Variants in EPHA3 observed in about 807,000 individuals in gnomAD.
EPHA3 encodes the protein ephrin type-A receptor 3.
A neutral mutation model predicts 107.1 loss-of-function variants in EPHA3; 42 were observed. That is an observed-to-expected ratio of 0.39 (90% CI 0.31 to 0.51). The LOEUF (loss-of-function observed/expected upper bound fraction) is 0.51. Ranked by LOEUF, EPHA3 falls within the 20% of genes least tolerant of loss-of-function variation. EPHA3 has a pLI of 0.78. For missense variants in EPHA3, 1,183 were observed against 1,211.2 expected (o/e 0.98, Z 0.35); for synonymous variants, 461 against 424.8 (o/e 1.09, Z -1.05).
intron 3 of EPHA3, among the ~76,000 whole-genome samples, chr3:89,268,056 C>G (rs996885833): frequency 1.3e-5 from 2 of 152,018 alleles, no homozygotes; most frequent in African/African-American, 4.8e-5. Context: ...CGTGCAGTTC[C>G]TAATAGCTAG....
Position 89,479,498 on chromosome 3 carries a change from T to G in EPHA3, c.2948T>G (p.Val983Gly), listed in dbSNP as rs1453994370. The G allele has an allele frequency of 6.2e-7, 1 of 1,613,428 alleles. No homozygotes were observed. The highest frequency in any genetic ancestry group is 1.7e-5 in the Admixed American group (1 of 60,010). The change falls in exon 17 of 17, where the codon GTG becomes GGG. Residue 983 changes from valine (V) to glycine (G), a missense_variant. Physicochemically the swap from Val to Gly is moderately radical, Grantham distance 109. Coordinates refer to ENST00000336596, the MANE Select transcript of EPHA3 (RefSeq NM_005233.6). ...ETQSKNGPVP[V>G] is the part of the protein sequence containing the mutation. The stretch of plus-strand genomic sequence containing the variant: ...CAATCAAAGAATGGCCCAGTTCCCG[T>G]GTAAAGCACGGGACGGAAGTGCTTC...
chr3:89,286,189 C>T (rs1706079173), intron 3 of EPHA3, among the ~76,000 whole-genome samples: 1 of 149,740 alleles, frequency 6.7e-6, no homozygotes, highest in Non-Finnish European at 1.5e-5. Context: ...CTATGGGACC[C>T]TTGGGCTGGT....
At chr3:89,423,799 TG>T (rs1293580248) in intron 11 of EPHA3, among the ~76,000 whole-genome samples, 1 of 151,458 alleles carries the variant, frequency 6.6e-6, no homozygotes, top group East Asian at 1.9e-4. Flanking sequence ...AGTGTGGTAT[TG>T]TGTATTTTTC....
At chr3:89,352,374 A>T (rs1028973683) in intron 5 of EPHA3, among the ~76,000 whole-genome samples, 1 of 151,282 alleles carries the variant, frequency 6.6e-6, no homozygotes, top group Non-Finnish European at 1.5e-5. Context: ...AAATGTTGTC[A>T]CTAATATAAT....
intron 5 of EPHA3, among the ~76,000 whole-genome samples, chr3:89,378,267 AT>A (rs1463716262): frequency 3.3e-5 from 5 of 152,252 alleles, no homozygotes; most frequent in Admixed American, 2.0e-4. Flanking sequence ...ATAATAAAAA[AT>A]TTTTTAAGTG....
At chr3:89,137,964 C>A (rs771865034) in intron 2 of EPHA3, among the ~76,000 whole-genome samples, 10 of 151,650 alleles carry the variant, frequency 6.6e-5, no homozygotes, top group Non-Finnish European at 1.0e-4. Context: ...AGGATGGGGC[C>A]CAGCAATAGG....
rs373321792 is a variant in EPHA3 at position 89,195,200 on chromosome 3, A to G, written c.154-14660A>G. 3.9e-5 allele frequency among the ~76,000 whole-genome samples: 6 copies of G among 151,954 alleles called. No homozygotes were observed. In the East Asian group the frequency reaches 5.8e-4, roughly 15 times the overall value. On this transcript the variant is annotated intron_variant, in intron 2 of 16. Transcript: ENST00000336596. The stretch of plus-strand genomic sequence containing the variant: ...GTTGACATTATTAGATTCTACCCAT[A>G]TTAAACTTTTGCTCCTCTTCTTTGC...
chr3:89,407,458 CAATAA>C lies in EPHA3; in HGVS notation c.1697+92_1697+96del. 3 of 1,040,692 alleles carry C rather than the reference CAATAA, an allele frequency of 2.9e-6. No individual in the cohort carries two copies. In the South Asian group the frequency reaches 4.3e-5, roughly 15 times the overall value. The allele number at this position is 1,040,692 out of a possible 1,614,324, so 64.5% of individuals were successfully genotyped here. A position where few individuals can be genotyped will look rare whatever the true frequency, so the allele number is the denominator to read the frequency against. ...GCTGTTAAAATGTGAAGAGTGTGCTCAATAAAATATTTTAACAAATAAGAATGTCT... is the reference window on the plus strand; with the variant it reads ...GCTGTTAAAATGTGAAGAGTGTGCTCAATATTTTAACAAATAAGAATGTCT... On this transcript the variant is annotated intron_variant, in intron 8 of 16. Coordinates refer to ENST00000336596, the MANE Select transcript of EPHA3 (RefSeq NM_005233.6).
intron 5 of EPHA3, among the ~76,000 whole-genome samples, chr3:89,394,510 T>A (rs183361717): frequency 6.6e-6 from 1 of 152,226 alleles, no homozygotes; most frequent in African/African-American, 2.4e-5. Flanking sequence ...ATGGGAAATA[T>A]TGCAGTAGAT....
At chr3:89,188,567 C>G (rs1371910179) in intron 2 of EPHA3, among the ~76,000 whole-genome samples, 1 of 152,172 alleles carries the variant, frequency 6.6e-6, no homozygotes, top group Non-Finnish European at 1.5e-5. Flanking sequence ...CTTTTCCTAG[C>G]CAATATCACC....
At position 89,370,081 on chromosome 3, in the gene EPHA3, T is replaced by C. The variant is rs556761497; in HGVS notation, c.1307-25756T>C. On this transcript the variant is annotated intron_variant, in intron 5 of 16. Coordinates refer to ENST00000336596, the MANE Select transcript of EPHA3 (RefSeq NM_005233.6). The stretch of plus-strand genomic sequence containing the variant: ...GTGGGACTGTAAACTAGTTCAACCA[T>C]TGTGGAAGTCAGTGTGGCGATTCCT... 1.7e-4 allele frequency among the ~76,000 whole-genome samples: 25 copies of C among 150,784 alleles called. No homozygotes were observed. The South Asian group carries it at 2.5e-3, about 15-fold the overall frequency.
At chr3:89,148,424 T>C (rs1229812269) in intron 2 of EPHA3, among the ~76,000 whole-genome samples, 2 of 151,968 alleles carry the variant, frequency 1.3e-5, no homozygotes, top group African/African-American at 4.8e-5. Context: ...AGCAAATTTA[T>C]TTAAAAGCAA....
At chr3:89,207,141 T>C (rs545882702) in intron 2 of EPHA3, among the ~76,000 whole-genome samples, 91 of 152,318 alleles carry the variant, frequency 6.0e-4, no homozygotes, top group African/African-American at 2.2e-3. Flanking sequence ...TTGTTTTTTA[T>C]AATTTAAGAA....
chr3:89,437,688 T>C (rs1364940859), intron 13 of EPHA3, among the ~76,000 whole-genome samples: 5 of 152,216 alleles, frequency 3.3e-5, no homozygotes, highest in Non-Finnish European at 5.9e-5. Flanking sequence ...TATATTCATA[T>C]GTTGAAATAC....
intron 3 of EPHA3, 132 bp downstream of exon 3, chr3:89,210,652 T>G: frequency 1.1e-6 from 1 of 890,948 alleles, no homozygotes. Context: ...CATAGTCTAT[T>G]TATGGACTAA....
intron 1 of EPHA3, among the ~76,000 whole-genome samples, chr3:89,110,719 A>G (rs1224357676): frequency 6.6e-6 from 1 of 152,048 alleles, no homozygotes; most frequent in East Asian, 1.9e-4. Context: ...ACTACGTATT[A>G]TTTTAAAAGT....
chr3:89,454,958 C>T (rs1710067234), intron 15 of EPHA3, among the ~76,000 whole-genome samples: 1 of 151,922 alleles, frequency 6.6e-6, no homozygotes, highest in Non-Finnish European at 1.5e-5. Flanking sequence ...AACAACACTG[C>T]ACTCAGCCTG....
intron 13 of EPHA3, 39 bp from the exon 14 acceptor site, chr3:89,449,186 G>A (rs1709937882): frequency 6.4e-7 from 1 of 1,563,404 alleles, no homozygotes; most frequent in African/African-American, 1.3e-5. Context: ...TATGTTCTAT[G>A]CATTGCTGAT....
At chr3:89,437,600 G>A (rs945479868) in intron 13 of EPHA3, among the ~76,000 whole-genome samples, 6 of 152,030 alleles carry the variant, frequency 3.9e-5, no homozygotes, top group African/African-American at 1.2e-4. Flanking sequence ...TTCAATTTTT[G>A]CTTCTATGAA....
Sources: gnomAD v4.1 joint callset for allele counts (sites outside exome capture counted in the v4.1 genomes callset) on GRCh38, gnomAD v4.1.1 for gene constraint, MANE v1.5 for transcripts, NCBI Gene and HGNC (gene_info 2026-07-23, HGNC 2026-07-21) for gene names.